CLPSL1: variants seen among roughly 807,000 people sequenced by gnomAD.
CLPSL1 encodes colipase like 1, also known as colipase-like protein 1.
CLPSL1 carries 13 observed loss-of-function variants against 9.3 expected under a neutral mutation model. That is an observed-to-expected ratio of 1.40 (90% CI 0.91 to 2.22). CLPSL1 has a LOEUF of 2.22. Among genes scored for constraint, CLPSL1 ranks in the 30% most tolerant of loss-of-function variants. CLPSL1 has a pLI of 0.00. For synonymous variants in CLPSL1, 58 were observed against 56.9 expected (o/e 1.02, Z -0.08); for missense variants, 164 against 146.6 (o/e 1.12, Z -0.61).
At chr6:35,787,428 G>A (rs1225608711) in intron 2 of CLPSL1, among the ~76,000 whole-genome samples, 2 of 152,278 alleles carry the variant, frequency 1.3e-5, no homozygotes, top group African/African-American at 4.8e-5. Flanking sequence ...AATGGGCACA[G>A]CTAGGTCCAG....
In CLPSL1 at chr6:35,788,009, A is replaced by C; in HGVS notation, c.365A>C (p.Ter122SerextTer40). ...RQKLAKKMFF* is the reference protein window; with the variant it reads ...RQKLAKKMFFS ...AAGTTGGCTAAGAAAATGTTCTTCTAGTGCTCCCTCCTTCTTGCTGCCTCC... is the reference window on the plus strand; with the variant it reads ...AAGTTGGCTAAGAAAATGTTCTTCTCGTGCTCCCTCCTTCTTGCTGCCTCC... Residue 122 changes from the stop codon to serine (S), a stop_lost, in exon 3 of 3, where the codon TAG becomes TCG. Transcript: ENST00000373861. 6.2e-7 allele frequency: 1 copy of C among 1,609,994 alleles called. No homozygotes were observed. The highest frequency in any genetic ancestry group is 8.5e-7 in the Non-Finnish European group (1 of 1,176,502).
chr6:35,792,630 C>T (rs1768243295), downstream of CLPSL1, among the ~76,000 whole-genome samples: 8 of 152,390 alleles, frequency 5.2e-5, no homozygotes, highest in South Asian at 1.7e-3. Flanking sequence ...AAAATGGAAG[C>T]TACATAATGG....
At chr6:35,783,454 A>G (rs1768005713) in intron 1 of CLPSL1, among the ~76,000 whole-genome samples, 2 of 150,038 alleles carry the variant, frequency 1.3e-5, no homozygotes, top group Non-Finnish European at 3.0e-5. Context: ...AGGTTGAACT[A>G]AGCCAAGAAA....
intron 1 of CLPSL1, among the ~76,000 whole-genome samples, chr6:35,784,524 G>T (rs944249268): frequency 4.6e-5 from 7 of 152,132 alleles, no homozygotes; most frequent in Non-Finnish European, 8.8e-5. Flanking sequence ...GATTGGTGGT[G>T]GTGGGAGGCT....
downstream of CLPSL1, chr6:35,788,302 C>A: frequency 2.3e-6 from 1 of 437,314 alleles, no homozygotes. Flanking sequence ...GAATGAAAGT[C>A]CCCCAGAAGA....
chr6:35,792,092 G>A (rs549869813), downstream of CLPSL1, among the ~76,000 whole-genome samples: 1,127 of 112,024 alleles, frequency 0.01, 5 homozygotes, highest in African/African-American at 0.031. Context: ...TCTTCCCCCC[G>A]CCACAAAAAT....
rs764710755 is a variant in CLPSL1 at position 35,781,209 on chromosome 6, G to T, written c.99G>T (p.Leu33Phe). 40 of 1,613,286 alleles carry T rather than the reference G, an allele frequency of 2.5e-5. No homozygotes were observed. The highest frequency in any genetic ancestry group is 3.3e-5 in the Non-Finnish European group (39 of 1,179,580). The change falls in exon 1 of 3, where the codon TTG becomes TTT. Residue 33 changes from leucine to phenylalanine, a missense_variant and splice_region_variant. Leu to Phe is a conservative substitution (Grantham distance 22, BLOSUM62 0). Coordinates refer to ENST00000373861, the MANE Select transcript of CLPSL1 (RefSeq NM_001010886.5). ...GSLSPTKYNL[L>F]ELKESCIRNQ... ...TTTCTCCAACAAAATACAACCTTTT[G>T]GTAAGAAAGCTGGAGAGTGCAGTCA...
rs1483566244 is a variant in CLPSL1 at position 35,787,012 on chromosome 6, T to C, written c.114T>C (p.Ser38=). The C allele has an allele frequency of 2.5e-6, 4 of 1,583,586 alleles. No individual in the cohort carries two copies. The highest frequency in any genetic ancestry group is 3.4e-6 in the Non-Finnish European group (4 of 1,166,718). The part of the protein sequence containing the change: ...TKYNLLELKE[S]CIRNQDCETG... The stretch of plus-strand genomic sequence containing the variant: ...CCTCCCTGCAGGAGCTCAAGGAGTC[T>C]TGCATCCGGAACCAGGACTGCGAGA... Residue 38 remains serine (S), a synonymous_variant, in exon 2 of 3, where the codon TCT becomes TCC. Coordinates refer to ENST00000373861, the MANE Select transcript of CLPSL1 (RefSeq NM_001010886.5).
At chr6:35,781,246 A>G (rs1201251889) in intron 1 of CLPSL1, 37 bp downstream of exon 1, 43 of 1,607,516 alleles carry the variant, frequency 2.7e-5, no homozygotes, top group Non-Finnish European at 3.7e-5. Flanking sequence ...CTCCCCCTCC[A>G]CTGTCCTAAG....
chr6:35,789,075 G>T (rs1192558889), downstream of CLPSL1, among the ~76,000 whole-genome samples: 1 of 152,260 alleles, frequency 6.6e-6, no homozygotes, highest in African/African-American at 2.4e-5. Context: ...GGTAGAATAT[G>T]CTGTCCTGTA....
Position 35,781,117 on chromosome 6 carries a change from C to T in CLPSL1, c.7C>T (p.Leu3=). 1 of 1,613,956 alleles carries T rather than the reference C, an allele frequency of 6.2e-7. No homozygotes were observed. The change falls in exon 1 of 3, where the codon CTA becomes TTA. Residue 3 remains leucine (L), a synonymous_variant. Transcript: ENST00000373861. ...CCACCACGACCTGTGGGCCATGATG[C>T]TACCCCAATGGCTGCTGCTGCTGTT... MM[L]PQWLLLLFLL... is the part of the protein sequence containing the mutation.
chr6:35,789,656 G>A (rs1408846371), downstream of CLPSL1, among the ~76,000 whole-genome samples: 1 of 152,258 alleles, frequency 6.6e-6, no homozygotes, highest in African/African-American at 2.4e-5. Context: ...CACTGTGGGA[G>A]GCCGAGTTGG....
intron 2 of CLPSL1, 28 bp downstream of exon 2, chr6:35,787,148 G>C: frequency 1.2e-6 from 2 of 1,609,156 alleles, no homozygotes; most frequent in Non-Finnish European, 8.5e-7. Flanking sequence ...GGGGGAGCCA[G>C]AGGGGATCCA....
chr6:35,790,973 A>G (rs146544195), downstream of CLPSL1, among the ~76,000 whole-genome samples: 68 of 150,592 alleles, frequency 4.5e-4, no homozygotes, highest in East Asian at 0.012. Context: ...GAGCACCAGG[A>G]GGTTGAGGCT....
downstream of CLPSL1, among the ~76,000 whole-genome samples, chr6:35,790,637 TG>T (rs1477437831): frequency 6.6e-6 from 1 of 152,256 alleles, no homozygotes; most frequent in Non-Finnish European, 1.5e-5. Flanking sequence ...GAAAGATGAA[TG>T]GGCCCTTAGG....
chr6:35,785,722 G>A (rs1035679542), intron 1 of CLPSL1, among the ~76,000 whole-genome samples: 1 of 152,040 alleles, frequency 6.6e-6, no homozygotes, highest in African/African-American at 2.4e-5. Flanking sequence ...TGACATTCCT[G>A]GTGGGTGGGG....
At chr6:35,784,637 T>C (rs767117245) in intron 1 of CLPSL1, among the ~76,000 whole-genome samples, 10 of 152,236 alleles carry the variant, frequency 6.6e-5, no homozygotes, top group Non-Finnish European at 1.3e-4. Context: ...TGGTGGTTCA[T>C]GGCTGTAATC....
In CLPSL1 at chr6:35,781,053, T is replaced by A. The variant is rs1266980493; in HGVS notation, c.-58T>A. 1 of 1,599,596 alleles carries A rather than the reference T, an allele frequency of 6.3e-7. No homozygotes were observed. The highest frequency in any genetic ancestry group is 2.2e-5 in the East Asian group (1 of 44,764). Reference sequence around the variant, plus strand: ...TCCCACAGCTGGGAGGACACCCACATGGTCGGCGTGCAGGATATTTCGCTG... The same window carrying A: ...TCCCACAGCTGGGAGGACACCCACAAGGTCGGCGTGCAGGATATTTCGCTG... On this transcript the variant is annotated 5_prime_UTR_variant, in exon 1 of 3. An upstream start codon of the reference 5' UTR is lost. Coordinates refer to ENST00000373861, the MANE Select transcript of CLPSL1 (RefSeq NM_001010886.5).
At chr6:35,792,054 C>T (rs1413160097), downstream of CLPSL1, among the ~76,000 whole-genome samples, 1 of 152,164 alleles carries the variant, frequency 6.6e-6, no homozygotes, top group African/African-American at 2.4e-5. Flanking sequence ...CTATTGCACT[C>T]CACTCTGGGC....
Sources: gnomAD v4.1 joint callset for allele counts (sites outside exome capture counted in the v4.1 genomes callset) on GRCh38, gnomAD v4.1.1 for gene constraint, MANE v1.5 for transcripts, NCBI Gene and HGNC (gene_info 2026-07-23, HGNC 2026-07-21) for gene names.